Variants in TENM3 observed in about 807,000 individuals in gnomAD.
The protein encoded by TENM3 is teneurin-3.
In TENM3, 63 loss-of-function variants were observed where a neutral mutation model predicts 255.1. The observed-to-expected ratio is 0.25, with a 90% CI of 0.20 to 0.30. TENM3 has a LOEUF of 0.30. TENM3 is among the 10% of genes least tolerant of loss of function. The pLI is 1.00. For synonymous variants in TENM3, 1,306 were observed against 1,322.3 expected (o/e 0.99, Z 0.27); for missense variants, 2,929 against 3,461.1 (o/e 0.85, Z 3.86).
Position 182,601,129 on chromosome 4 carries a change from G to T in TENM3, c.717G>T (p.Trp239Cys), listed in dbSNP as rs1747808648. The T allele has an allele frequency of 6.2e-7, 1 of 1,613,532 alleles. No homozygotes were observed. The highest frequency in any genetic ancestry group is 8.5e-7 in the Non-Finnish European group (1 of 1,179,822). ...AGTCCGTCCAGCTGCAGGACAGCTGGGTCCTTGGCAGTAATGTACCACTGG... is the reference window on the plus strand; with the variant it reads ...AGTCCGTCCAGCTGCAGGACAGCTGTGTCCTTGGCAGTAATGTACCACTGG... Reference protein sequence around the residue: ...TPESVQLQDSWVLGSNVPLES... With the variant: ...TPESVQLQDSCVLGSNVPLES... The change falls in exon 4 of 28, where the codon TGG becomes TGT. Residue 239 changes from tryptophan to cysteine, a missense_variant. Physicochemically the swap from Trp to Cys is radical, Grantham distance 215. Around this residue, in one of 6 missense-constraint regions of TENM3, gnomAD observed 1,608 missense variants for 1,884.4 expected, o/e 0.85. Transcript: ENST00000511685.
At chr4:181,917,002 AT>A in the TENM3 span, among the ~76,000 whole-genome samples, 6 of 152,246 alleles carry the variant, frequency 3.9e-5, no homozygotes, top group East Asian at 1.9e-4. Flanking sequence ...ATCTTTCCTG[AT>A]TTTAAAGAAA....
At chr4:181,785,536 C>A in the TENM3 span, among the ~76,000 whole-genome samples, 1 of 152,090 alleles carries the variant, frequency 6.6e-6, no homozygotes, top group Non-Finnish European at 1.5e-5. Flanking sequence ...CATTAAGTAT[C>A]CCTATTCCGA....
the TENM3 span, among the ~76,000 whole-genome samples, chr4:181,930,878 T>A: frequency 6.6e-6 from 1 of 152,194 alleles, no homozygotes; most frequent in Non-Finnish European, 1.5e-5. Flanking sequence ...AATCAATAAA[T>A]GTAATCCATT....
the TENM3 span, among the ~76,000 whole-genome samples, chr4:181,788,635 T>C: frequency 6.6e-6 from 1 of 152,156 alleles, no homozygotes; most frequent in African/African-American, 2.4e-5. Flanking sequence ...TCTCGCTCTG[T>C]GGCCCAGGCT....
chr4:182,724,917 G>A (rs896004948), intron 13 of TENM3, among the ~76,000 whole-genome samples: 2 of 152,110 alleles, frequency 1.3e-5, no homozygotes, highest in African/African-American at 4.8e-5. Flanking sequence ...GTACCCATTC[G>A]AAATCCATCA....
chr4:182,662,952 C>G (rs999624309), intron 6 of TENM3, among the ~76,000 whole-genome samples: 25 of 152,310 alleles, frequency 1.6e-4, no homozygotes, highest in Admixed American at 1.6e-3. Flanking sequence ...TCACGAAACC[C>G]TAGTCCCCTG....
At chr4:182,324,933 T>C (rs1471506462) in intron 2 of TENM3, among the ~76,000 whole-genome samples, 1 of 152,214 alleles carries the variant, frequency 6.6e-6, no homozygotes. Context: ...GAATCATGAC[T>C]CCTGTAACTT....
chr4:181,630,408 G>C, the TENM3 span, among the ~76,000 whole-genome samples: 7 of 152,100 alleles, frequency 4.6e-5, no homozygotes, highest in East Asian at 1.9e-4. Context: ...TCTTGCTTCT[G>C]TAGTTCTTTT....
chr4:182,251,141 A>G (rs1016711281), intron 1 of TENM3, among the ~76,000 whole-genome samples: 14 of 152,118 alleles, frequency 9.2e-5, no homozygotes, highest in African/African-American at 7.2e-5. Flanking sequence ...CAGGTTATCA[A>G]TTTTGGGAAC....
At chr4:182,492,021 A>G (rs184734565) in intron 3 of TENM3, among the ~76,000 whole-genome samples, 249 of 152,312 alleles carry the variant, frequency 1.6e-3, no homozygotes, top group Non-Finnish European at 2.5e-3. Context: ...TCTACCCAGC[A>G]GGTGTGCTGA....
intron 1 of TENM3, among the ~76,000 whole-genome samples, chr4:182,170,935 T>G (rs1386911043): frequency 6.6e-6 from 1 of 152,186 alleles, no homozygotes; most frequent in African/African-American, 2.4e-5. Flanking sequence ...TGCTTCTTAC[T>G]ATTTAAAATA....
chr4:181,784,927 G>C, the TENM3 span, among the ~76,000 whole-genome samples: 3 of 152,118 alleles, frequency 2.0e-5, no homozygotes, highest in African/African-American at 7.2e-5. Context: ...CTGGCTTTTA[G>C]AAACGTAAAA....
intron 5 of TENM3, among the ~76,000 whole-genome samples, chr4:182,653,545 T>G (rs1205466407): frequency 6.6e-6 from 1 of 152,182 alleles, no homozygotes; most frequent in African/African-American, 2.4e-5. Context: ...AAGTGAATAG[T>G]ATTAAATCAC....
At chr4:181,666,261 T>C in the TENM3 span, among the ~76,000 whole-genome samples, 1 of 152,190 alleles carries the variant, frequency 6.6e-6, no homozygotes, top group South Asian at 2.1e-4. Context: ...CTTTATTTAT[T>C]TCGGATAGAT....
chr4:181,495,721 T>C, the TENM3 span, among the ~76,000 whole-genome samples: 3 of 152,114 alleles, frequency 2.0e-5, no homozygotes, highest in African/African-American at 4.8e-5. Flanking sequence ...GAAATGAATC[T>C]GTTAGAGGGA....
intron 3 of TENM3, among the ~76,000 whole-genome samples, chr4:182,585,748 T>G (rs1745956819): frequency 1.3e-5 from 2 of 152,232 alleles, no homozygotes; most frequent in Admixed American, 1.3e-4. Flanking sequence ...TATCCAGTGC[T>G]TATTCATCTC....
the TENM3 span, among the ~76,000 whole-genome samples, chr4:181,737,732 A>G: frequency 1.3e-5 from 2 of 152,092 alleles, no homozygotes; most frequent in Admixed American, 6.6e-5. Flanking sequence ...GACGCTGTAT[A>G]TATTAATATT....
intron 1 of TENM3, among the ~76,000 whole-genome samples, chr4:182,188,510 G>C (rs1579647719): frequency 6.6e-6 from 1 of 152,262 alleles, no homozygotes; most frequent in East Asian, 1.9e-4. Context: ...CAAAGACTAG[G>C]TTGAAGTTGA....
chr4:182,324,453 C>T (rs1042465399), intron 2 of TENM3, among the ~76,000 whole-genome samples: 2 of 152,244 alleles, frequency 1.3e-5, no homozygotes, highest in African/African-American at 2.4e-5. Context: ...GCCCCAGGCA[C>T]AGGCACTGAC....
Sources: allele counts gnomAD v4.1 joint callset (sites outside exome capture counted in the v4.1 genomes callset), GRCh38; gene constraint gnomAD v4.1.1; regional missense constraint gnomAD v4.1.1; transcripts MANE v1.5; gene names NCBI Gene and HGNC (gene_info 2026-07-23, HGNC 2026-07-21).